Variants in ARVCF observed in about 807,000 individuals in gnomAD.
ARVCF encodes ARVCF delta catenin family member.
ARVCF carries 66 observed loss-of-function variants against 90.9 expected under a neutral mutation model. The ratio of observed to expected loss-of-function variants is 0.73; its 90% CI spans 0.60 to 0.89. The LOEUF (loss-of-function observed/expected upper bound fraction) is 0.89, where lower values mean the gene tolerates loss of function less well. Among genes scored for constraint, ARVCF ranks in the 40% least tolerant of loss-of-function variants. ARVCF has a pLI of 0.00. For synonymous variants in ARVCF, 653 were observed against 603.4 expected, an observed-to-expected ratio of 1.08 and a Z score of -1.21; for missense variants, 1,469 against 1,382.3, an observed-to-expected ratio of 1.06 and a Z score of -1.00.
At chr22:19,998,259 G>C (rs73880066) in intron 2 of ARVCF, among the ~76,000 whole-genome samples, 1 of 152,218 alleles carries the variant, frequency 6.6e-6, no homozygotes, top group Admixed American at 6.5e-5. Flanking sequence ...ATTGGAAGAC[G>C]GGGTTAGACC....
intron 3 of ARVCF, among the ~76,000 whole-genome samples, chr22:19,983,947 T>C (rs1943632475): frequency 6.6e-6 from 1 of 152,210 alleles, no homozygotes; most frequent in Admixed American, 6.5e-5. Context: ...AAGGCTTGTG[T>C]GGCCCATCAC....
chr22:19,987,510 T>G (rs1484527243), intron 3 of ARVCF, among the ~76,000 whole-genome samples: 8 of 151,758 alleles, frequency 5.3e-5, no homozygotes, highest in Non-Finnish European at 1.2e-4. Flanking sequence ...TTGGCCTCGG[T>G]TTATGACCAC....
chr22:19,970,816 G>A (rs1284053016), intron 19 of ARVCF, 73 bp from the exon 20 acceptor site: 7 of 1,292,036 alleles, frequency 5.4e-6, no homozygotes, highest in Non-Finnish European at 7.1e-6. Flanking sequence ...CTCAGGGCAG[G>A]GCAGCCAACT....
In ARVCF at chr22:19,981,291, G is replaced by A. The variant is rs372801506; in HGVS notation, c.816C>T (p.Asp272=). The A allele has an allele frequency of 3.7e-5, 58 of 1,587,502 alleles. 1 individual carries two copies. Among genetic ancestry groups the A allele is most frequent in the Middle Eastern group, 1.7e-4 (1 of 6,036 alleles). ...CAGGCTCCAGCTCAGGGCCACCCTC[G>A]TCATCAGCGGCCAGGCTGCGCGTGT... ...EDDTRSLAAD[D]EGGPELEPDY... Residue 272 remains aspartate, a synonymous_variant, in exon 5 of 20, where the codon GAC becomes GAT. Coordinates refer to ENST00000263207, the MANE Select transcript of ARVCF (RefSeq NM_001670.3).
At chr22:20,015,314 C>T (rs774582685) in intron 1 of ARVCF, among the ~76,000 whole-genome samples, 129 of 152,256 alleles carry the variant, frequency 8.5e-4, no homozygotes, top group African/African-American at 2.9e-3. Context: ...GCAGACATTG[C>T]GGATAGGATG....
rs1481523522 is a variant in ARVCF, at chr22:19,972,540, C to G, written c.2642-129G>C. ...CACTAAGGTGCCCAACCTCTGCCAGCTGGCAGCCTCACCCCAGCTTGACAA... is the reference window on the plus strand; with the variant it reads ...CACTAAGGTGCCCAACCTCTGCCAGGTGGCAGCCTCACCCCAGCTTGACAA... On this transcript the variant is annotated intron_variant, in intron 16 of 19. Transcript: ENST00000263207. 3 of 1,272,778 alleles carry G rather than the reference C, an allele frequency of 2.4e-6. No homozygotes were observed. In the African/African-American group the frequency reaches 4.5e-5, roughly 19 times the overall value. The allele number at this position is 1,272,778 out of a possible 1,614,324, so 78.8% of individuals were successfully genotyped here.
chr22:19,976,044 G>C (rs993506724), intron 10 of ARVCF, among the ~76,000 whole-genome samples: 2 of 152,064 alleles, frequency 1.3e-5, no homozygotes, highest in African/African-American at 2.4e-5. Flanking sequence ...TGGCTCCCTT[G>C]CAACTGCCAG....
chr22:19,992,190 G>T (rs56138370), intron 2 of ARVCF, among the ~76,000 whole-genome samples: 1 of 152,174 alleles, frequency 6.6e-6, no homozygotes, highest in South Asian at 2.1e-4. Context: ...CAGCAAGAGC[G>T]AGAGACCAGT....
chr22:19,970,764 G>A, intron 19 of ARVCF, 21 bp from the exon 20 acceptor site: 1 of 1,291,630 alleles, frequency 7.7e-7, no homozygotes, highest in South Asian at 1.2e-5. Context: ...AAAGGGGATG[G>A]TGGACGCTGC....
intron 5 of ARVCF, 52 bp downstream of exon 5, chr22:19,981,159 G>A (rs1943470079): frequency 9.6e-6 from 14 of 1,465,064 alleles, no homozygotes; most frequent in African/African-American, 1.4e-5. Flanking sequence ...GTTGGGGGGT[G>A]GAGGGCAGAC....
intron 1 of ARVCF, among the ~76,000 whole-genome samples, chr22:20,012,289 A>G (rs1375107576): frequency 2.6e-5 from 4 of 152,220 alleles, no homozygotes; most frequent in Admixed American, 2.0e-4. Context: ...GCACCACAGG[A>G]GGCTGAGTGG....
Position 19,980,043 on chromosome 22 carries a change from T to C in ARVCF, c.1096A>G (p.Met366Val), listed in dbSNP as rs1179021441. 5.0e-6 allele frequency: 8 copies of C among 1,586,094 alleles called. No homozygotes were observed. Among genetic ancestry groups the C allele is most frequent in the South Asian group, 1.1e-5 (1 of 88,700 alleles). The change falls in exon 6 of 20, where the codon ATG becomes GTG. Residue 366 changes from methionine to valine, a missense_variant. Met to Val is a conservative substitution (Grantham distance 21, BLOSUM62 1). Transcript: ENST00000263207. ...ACGGGGTCCACGGGGTGCCGCAGCA[T>C]GGCCAGCACCTCAGGCAGCTCAGGG... ...RDPELPEVLA[M>V]LRHPVDPVKA...
At chr22:19,967,971 G>T (rs749688906), downstream of ARVCF, among the ~76,000 whole-genome samples, 2 of 152,236 alleles carry the variant, frequency 1.3e-5, no homozygotes, top group African/African-American at 2.4e-5. Context: ...GAGGAACTCT[G>T]TGTCCTCCCA....
At chr22:19,986,453 C>A (rs1212256085) in intron 3 of ARVCF, among the ~76,000 whole-genome samples, 1 of 152,182 alleles carries the variant, frequency 6.6e-6, no homozygotes, top group African/African-American at 2.4e-5. Context: ...GGGGGAGGAT[C>A]CCGTTTTCCT....
At chr22:19,986,109 G>A (rs1943751229) in intron 3 of ARVCF, among the ~76,000 whole-genome samples, 2 of 152,232 alleles carry the variant, frequency 1.3e-5, no homozygotes, top group Admixed American at 1.3e-4. Flanking sequence ...AAGCCAAGCT[G>A]GGGGAGCAAA....
chr22:19,969,054 C>A (rs553561747), downstream of ARVCF: 12 of 257,948 alleles, frequency 4.7e-5, no homozygotes, highest in Non-Finnish European at 8.5e-5. Context: ...TCCTTCTCAA[C>A]TGCCATTCCC....
intron 6 of ARVCF, 97 bp downstream of exon 6, chr22:19,979,646 C>A (rs1014714679): frequency 2.1e-6 from 3 of 1,457,630 alleles, no homozygotes; most frequent in Non-Finnish European, 2.7e-6. Context: ...CGGGTGCTTT[C>A]CCAGGCGGTC....
At chr22:19,987,158 C>T (rs1222925980) in intron 3 of ARVCF, 2 of 453,960 alleles carry the variant, frequency 4.4e-6, no homozygotes, top group South Asian at 3.8e-5. Flanking sequence ...AGGCTCGGCT[C>T]CGGCGCCTCG....
intron 1 of ARVCF, among the ~76,000 whole-genome samples, chr22:20,015,398 C>T (rs1459742162): frequency 6.6e-6 from 1 of 152,164 alleles, no homozygotes; most frequent in Non-Finnish European, 1.5e-5. Context: ...GCCTGGATCA[C>T]CTGCTTAGGA....
Sources: gnomAD v4.1 joint callset for allele counts (sites outside exome capture counted in the v4.1 genomes callset) on GRCh38, gnomAD v4.1.1 for gene constraint, MANE v1.5 for transcripts, NCBI Gene and HGNC (gene_info 2026-07-23, HGNC 2026-07-21) for gene names.